Variants in UBE3D observed in about 807,000 individuals in gnomAD.
UBE3D encodes the protein ubiquitin protein ligase E3D.
Under a neutral mutation model 49.6 loss-of-function variants are expected in UBE3D, and 48 were observed. The observed-to-expected ratio is 0.97, with a 90% CI of 0.77 to 1.23. UBE3D has a LOEUF of 1.23. Among genes scored for constraint, UBE3D ranks in the 50% most tolerant of loss-of-function variants. The pLI is 0.00. For missense variants in UBE3D, 452 were observed against 468.4 expected, an observed-to-expected ratio of 0.96 and a Z score of 0.32; for synonymous variants, 189 against 174.2, an observed-to-expected ratio of 1.08 and a Z score of -0.67.
At chr6:82,912,246 T>C (rs1226770639) in intron 9 of UBE3D, among the ~76,000 whole-genome samples, 2 of 152,186 alleles carry the variant, frequency 1.3e-5, no homozygotes, top group African/African-American at 4.8e-5. Context: ...ATGTTCACTT[T>C]ATCATTTTTA....
intron 8 of UBE3D, among the ~76,000 whole-genome samples, chr6:82,996,377 A>T (rs1040464116): frequency 5.3e-5 from 8 of 152,162 alleles, no homozygotes; most frequent in Non-Finnish European, 1.0e-4. Flanking sequence ...ATGGATTATA[A>T]CCCAAATTAT....
At chr6:82,932,517 T>A (rs1483242852) in intron 9 of UBE3D, 1 of 152,116 alleles carries the variant, frequency 6.6e-6, no homozygotes, top group Non-Finnish European at 1.5e-5. Flanking sequence ...ATTTAATCTT[T>A]CTGGTGGCGA....
intron 8 of UBE3D, among the ~76,000 whole-genome samples, chr6:83,016,515 T>A (rs975215464): frequency 6.6e-6 from 1 of 152,040 alleles, no homozygotes; most frequent in African/African-American, 2.4e-5. Flanking sequence ...AACTCCATCC[T>A]TAATATTCTG....
downstream of UBE3D, among the ~76,000 whole-genome samples, chr6:82,887,766 TA>T (rs1277457001): frequency 6.6e-6 from 1 of 151,852 alleles, no homozygotes; most frequent in Non-Finnish European, 1.5e-5. Flanking sequence ...CTGAGTCCAA[TA>T]TGTACTACTA....
chr6:82,918,279 A>G (rs1458619950), intron 9 of UBE3D, among the ~76,000 whole-genome samples: 3 of 146,164 alleles, frequency 2.1e-5, no homozygotes, highest in African/African-American at 7.3e-5. Context: ...AAAAAACAAC[A>G]ACAACAACAA....
At chr6:82,903,837 C>T (rs1017693681) in intron 9 of UBE3D, among the ~76,000 whole-genome samples, 14 of 152,088 alleles carry the variant, frequency 9.2e-5, no homozygotes, top group African/African-American at 2.9e-4. Flanking sequence ...AGTTTATAAA[C>T]GGTCATACCA....
chr6:83,010,948 A>G (rs555185648), intron 8 of UBE3D, among the ~76,000 whole-genome samples: 1 of 152,262 alleles, frequency 6.6e-6, no homozygotes, highest in East Asian at 1.9e-4. Flanking sequence ...CATCCAGTCA[A>G]GTTTATACTT....
chr6:82,985,834 T>C (rs954123925), intron 8 of UBE3D, among the ~76,000 whole-genome samples: 8 of 152,226 alleles, frequency 5.3e-5, no homozygotes, highest in African/African-American at 1.4e-4. Context: ...ATTATGTTTA[T>C]ATATGAAATC....
intron 3 of UBE3D, among the ~76,000 whole-genome samples, chr6:83,051,611 A>G (rs1401698680): frequency 6.6e-6 from 1 of 152,224 alleles, no homozygotes; most frequent in East Asian, 1.9e-4. Flanking sequence ...TGAGAATTCA[A>G]CCAACGCCTA....
At chr6:83,007,960 T>A (rs915732172) in intron 8 of UBE3D, among the ~76,000 whole-genome samples, 20 of 142,094 alleles carry the variant, frequency 1.4e-4, no homozygotes, top group African/African-American at 5.1e-4. Context: ...AAGTAAAAAA[T>A]ATAAGAAAAA....
chr6:82,920,585 T>C (rs959418663), intron 9 of UBE3D, among the ~76,000 whole-genome samples: 1 of 152,212 alleles, frequency 6.6e-6, no homozygotes. Flanking sequence ...CTCCAAAGTT[T>C]CGGTGTCCTC....
chr6:83,064,287 G>A (rs1325694657), intron 1 of UBE3D, among the ~76,000 whole-genome samples: 1 of 151,958 alleles, frequency 6.6e-6, no homozygotes, highest in African/African-American at 2.4e-5. Flanking sequence ...GCAGTGGCGC[G>A]ATCTCAGCTC....
At chr6:83,040,411 A>G (rs1782591047) in intron 4 of UBE3D, among the ~76,000 whole-genome samples, 1 of 151,556 alleles carries the variant, frequency 6.6e-6, no homozygotes, top group Non-Finnish European at 1.5e-5. Flanking sequence ...CTCTATATAT[A>G]TATATATTCA....
downstream of UBE3D, among the ~76,000 whole-genome samples, chr6:82,887,701 T>A (rs1477182683): frequency 8.2e-6 from 1 of 121,770 alleles, no homozygotes; most frequent in African/African-American, 3.8e-5. Context: ...AGAGAGATAC[T>A]CCATCCCCCC....
intron 4 of UBE3D, among the ~76,000 whole-genome samples, 154 bp from the exon 5 acceptor site, chr6:83,038,639 C>T (rs943248321): frequency 6.6e-6 from 1 of 152,218 alleles, no homozygotes; most frequent in Non-Finnish European, 1.5e-5. Context: ...ATGCATAATT[C>T]ACATGCACAG....
chr6:82,881,189 G>A, the UBE3D span, among the ~76,000 whole-genome samples: 112 of 152,274 alleles, frequency 7.4e-4, 1 homozygote, highest in East Asian at 0.021. Flanking sequence ...GTATGAGGGA[G>A]CTATGAAGTT....
At chr6:82,950,747 A>G (rs1169738876) in intron 9 of UBE3D, among the ~76,000 whole-genome samples, 1 of 152,240 alleles carries the variant, frequency 6.6e-6, no homozygotes, top group African/African-American at 2.4e-5. Flanking sequence ...TGTGGCACAT[A>G]CACACAATGG....
rs188033424 is a variant in UBE3D at position 82,920,055 on chromosome 6, G to T, written c.1150-27013C>A. ...GATTTATAACATTATGCTTCAAATGGAAAAAATATATATAAATCATATTAA... is the reference window on the plus strand; with the variant it reads ...GATTTATAACATTATGCTTCAAATGTAAAAAATATATATAAATCATATTAA... On this transcript the variant is annotated intron_variant, in intron 9 of 9. Coordinates refer to ENST00000369747, the MANE Select transcript of UBE3D (RefSeq NM_198920.3). 1.2e-3 allele frequency among the ~76,000 whole-genome samples: 184 copies of T among 152,192 alleles called. 1 individual carries two copies. The highest frequency in any genetic ancestry group is 4.0e-3 in the African/African-American group (167 of 41,540).
intron 9 of UBE3D, among the ~76,000 whole-genome samples, chr6:82,930,996 G>A (rs1220614011): frequency 6.6e-6 from 1 of 152,130 alleles, no homozygotes; most frequent in Non-Finnish European, 1.5e-5. Flanking sequence ...GGAAAAAATG[G>A]TTTCGTGGGC....
Sources: gnomAD v4.1 joint callset for allele counts (sites outside exome capture counted in the v4.1 genomes callset) on GRCh38, gnomAD v4.1.1 for gene constraint, MANE v1.5 for transcripts, NCBI Gene and HGNC (gene_info 2026-07-23, HGNC 2026-07-21) for gene names.